The following ACACB variants were observed in gnomAD, a reference collection of about 807,000 sequenced individuals.
ACACB encodes the protein acetyl-CoA carboxylase 2.
ACACB carries 209 observed loss-of-function variants against 278.8 expected under a neutral mutation model. The ratio of observed to expected loss-of-function variants is 0.75; its 90% confidence interval spans 0.67 to 0.84. The LOEUF (loss-of-function observed/expected upper bound fraction) is 0.84. Among genes scored for constraint, ACACB ranks in the 40% least tolerant of loss-of-function variants. The pLI is 0.00. For synonymous variants in ACACB, 1,174 were observed against 1,285.6 expected (o/e 0.91, Z 1.86); for missense variants, 2,850 against 3,269.0 (o/e 0.87, Z 3.13).
intron 28 of ACACB, 84 bp downstream of exon 28, chr12:109,227,573 A>T: frequency 7.3e-7 from 1 of 1,365,320 alleles, no homozygotes; most frequent in Middle Eastern, 1.8e-4. Flanking sequence ...GGACCTGGCA[A>T]GTGTGTTTGG....
intron 21 of ACACB, among the ~76,000 whole-genome samples, chr12:109,210,190 T>C (rs1246072914): frequency 3.6e-4 from 11 of 30,534 alleles, no homozygotes; most frequent in South Asian, 8.5e-4. Flanking sequence ...TATACACACG[T>C]GTGTATATGT....
chr12:109,215,682 G>A lies in ACACB; in HGVS notation c.3351-936G>A, dbSNP rs187608462. ...CGGGAGGCTGAGGCAGGAGAATGGC[G>A]TGAACCCGGGAGGTGGAGCTTGCAG... On this transcript the variant is annotated intron_variant, in intron 22 of 52. Coordinates refer to ENST00000338432, the MANE Select transcript of ACACB (RefSeq NM_001093.4). Among the ~76,000 whole-genome samples, 520 of 152,134 alleles carry A rather than the reference G, an allele frequency of 3.4e-3. 6 individuals are homozygous for A. Among genetic ancestry groups the A allele is most frequent in the African/African-American group, 0.012 (491 of 41,506 alleles).
intron 1 of ACACB, among the ~76,000 whole-genome samples, chr12:109,122,541 C>T (rs1469829188): frequency 7.1e-6 from 1 of 140,604 alleles, no homozygotes; most frequent in African/African-American, 2.8e-5. Context: ...CCACTGCACT[C>T]CAGCCTAGGC....
At chr12:109,202,554 A>T (rs2045368314) in intron 19 of ACACB, among the ~76,000 whole-genome samples, 1 of 152,102 alleles carries the variant, frequency 6.6e-6, no homozygotes, top group Non-Finnish European at 1.5e-5. Flanking sequence ...ACCTCAGGTG[A>T]TCCACCCTCC....
intron 17 of ACACB, among the ~76,000 whole-genome samples, chr12:109,198,902 C>T (rs1826811407): frequency 6.6e-6 from 1 of 152,068 alleles, no homozygotes; most frequent in African/African-American, 2.4e-5. Context: ...AGCATCACAG[C>T]CTTGGCCAGG....
intron 2 of ACACB, among the ~76,000 whole-genome samples, chr12:109,163,376 G>A (rs2043797364): frequency 6.6e-6 from 1 of 152,176 alleles, no homozygotes; most frequent in Admixed American, 6.5e-5. Flanking sequence ...CTCATAGGAA[G>A]AGGATGCTAT....
intron 39 of ACACB, among the ~76,000 whole-genome samples, chr12:109,247,128 G>C (rs1344610837): frequency 6.6e-6 from 1 of 151,766 alleles, no homozygotes; most frequent in East Asian, 1.9e-4. Flanking sequence ...ATACCAGCTT[G>C]CCATAAAAGG....
At chr12:109,216,166 C>G (rs545633546) in intron 22 of ACACB, among the ~76,000 whole-genome samples, 1 of 151,316 alleles carries the variant, frequency 6.6e-6, no homozygotes, top group South Asian at 2.1e-4. Context: ...AACTCCTGGG[C>G]TCCAGTGATC....
chr12:109,210,520 T>C (rs1484914881), intron 21 of ACACB, among the ~76,000 whole-genome samples: 1 of 148,602 alleles, frequency 6.7e-6, no homozygotes, highest in Non-Finnish European at 1.5e-5. Context: ...CGCACATACA[T>C]GTGTATATGT....
intron 21 of ACACB, among the ~76,000 whole-genome samples, chr12:109,210,448 T>C (rs1373137656): frequency 9.9e-6 from 1 of 101,070 alleles, no homozygotes; most frequent in Non-Finnish European, 2.4e-5. Context: ...CATACATGTG[T>C]ATATATGTAT....
chr12:109,171,013 A>ATTTTTTTTTTTTTT (rs59371391), intron 4 of ACACB, among the ~76,000 whole-genome samples: 1 of 106,530 alleles, frequency 9.4e-6, no homozygotes, highest in Non-Finnish European at 1.8e-5. Context: ...CTTTTTTTGG[A>ATTTTTTTTTTTTTT]TTTTTTTTTT....
intron 12 of ACACB, among the ~76,000 whole-genome samples, chr12:109,186,300 T>C (rs772058201): frequency 6.6e-6 from 1 of 152,158 alleles, no homozygotes; most frequent in South Asian, 2.1e-4. Flanking sequence ...TGCTCACTTA[T>C]AGGACACTAC....
chr12:109,203,509 C>T (rs1195081231), intron 19 of ACACB, among the ~76,000 whole-genome samples: 1 of 152,256 alleles, frequency 6.6e-6, no homozygotes. Flanking sequence ...ATTATTTGGC[C>T]TCCAGGAGAC....
rs200388546 is a variant in ACACB at position 109,258,384 on chromosome 12, T to A, written c.6360+20T>A. The A allele has an allele frequency of 6.2e-7, 1 of 1,600,382 alleles. No homozygotes were observed. ...GCCAAGGTGAGGGGGCCGGGAGCTG[T>A]GGCTGCTGGTTTAGCCAGCGGTACT... On this transcript the variant is annotated intron_variant, in intron 46 of 52. Coordinates refer to ENST00000338432, the MANE Select transcript of ACACB (RefSeq NM_001093.4).
At chr12:109,201,019 C>G (rs926241907) in intron 18 of ACACB, among the ~76,000 whole-genome samples, 1 of 152,166 alleles carries the variant, frequency 6.6e-6, no homozygotes, top group African/African-American at 2.4e-5. Context: ...TGTGAACTGC[C>G]AAGCAAGAGA....
intron 1 of ACACB, among the ~76,000 whole-genome samples, chr12:109,119,684 G>T (rs2042494070): frequency 6.6e-6 from 1 of 151,962 alleles, no homozygotes; most frequent in African/African-American, 2.4e-5. Flanking sequence ...ATCACTTGAG[G>T]TCAGGAGTTC....
intron 12 of ACACB, among the ~76,000 whole-genome samples, chr12:109,187,772 T>G (rs976607939): frequency 1.3e-5 from 2 of 152,170 alleles, no homozygotes; most frequent in South Asian, 4.2e-4. Flanking sequence ...ACTTCGTTAT[T>G]TTTTTACAGT....
intron 41 of ACACB, among the ~76,000 whole-genome samples, chr12:109,250,632 G>A (rs1225843870): frequency 6.6e-6 from 1 of 152,024 alleles, no homozygotes; most frequent in African/African-American, 2.4e-5. Context: ...GTTTCTAGTA[G>A]TAGTACTACT....
chr12:109,257,945 C>T (rs894950767), intron 45 of ACACB, among the ~76,000 whole-genome samples: 3 of 152,224 alleles, frequency 2.0e-5, no homozygotes, highest in Non-Finnish European at 2.9e-5. Context: ...CCACGTTCCA[C>T]GTGCAGCCCA....
Sources: allele counts gnomAD v4.1 joint callset (sites outside exome capture counted in the v4.1 genomes callset), GRCh38; gene constraint gnomAD v4.1.1; transcripts MANE v1.5; gene names NCBI Gene and HGNC (gene_info 2026-07-23, HGNC 2026-07-21).